Variants in EXOC6B observed in about 807,000 individuals in gnomAD.
The protein encoded by EXOC6B is exocyst complex component 6B.
A neutral mutation model predicts 113.5 loss-of-function variants in EXOC6B; 54 were observed. The ratio of observed to expected loss-of-function variants is 0.48; its 90% CI spans 0.38 to 0.60. The LOEUF (loss-of-function observed/expected upper bound fraction) is 0.60. Ranked by LOEUF, EXOC6B falls within the 20% of genes least tolerant of loss-of-function variation. EXOC6B has a pLI of 0.00. For missense variants in EXOC6B, 797 were observed against 977.5 expected (o/e 0.82, Z 2.46); for synonymous variants, 357 against 339.0 (o/e 1.05, Z -0.58).
intron 1 of EXOC6B, among the ~76,000 whole-genome samples, chr2:72,746,793 C>T (rs1176850455): frequency 6.6e-6 from 1 of 151,996 alleles, no homozygotes; most frequent in African/African-American, 2.4e-5. Context: ...CTTCACATAG[C>T]TAGAAAGTGT....
chr2:72,442,995 C>A (rs537638852), intron 18 of EXOC6B, among the ~76,000 whole-genome samples: 1 of 152,032 alleles, frequency 6.6e-6, no homozygotes, highest in Non-Finnish European at 1.5e-5. Context: ...CTATACTACA[C>A]GGCTACAATA....
chr2:72,316,441 A>C (rs1408502265), intron 20 of EXOC6B, among the ~76,000 whole-genome samples: 1 of 152,076 alleles, frequency 6.6e-6, no homozygotes, highest in Non-Finnish European at 1.5e-5. Flanking sequence ...CACTTTACCC[A>C]TATTTGGTTT....
At chr2:72,282,298 G>T (rs554026572) in intron 20 of EXOC6B, among the ~76,000 whole-genome samples, 1 of 152,106 alleles carries the variant, frequency 6.6e-6, no homozygotes, top group Admixed American at 6.6e-5. Context: ...ATGTAGGAAT[G>T]GAATAAATTG....
rs115348791 is a variant in EXOC6B at position 72,710,742 on chromosome 2, A to G, written c.669+7361T>C. Reference sequence around the variant, plus strand: ...TTCTACACCATACATTAAAGAGTAAATTTTGCTGTAGTGAAGACTTAACCA... The same window carrying G: ...TTCTACACCATACATTAAAGAGTAAGTTTTGCTGTAGTGAAGACTTAACCA... On this transcript the variant is annotated intron_variant, in intron 6 of 21. Transcript: ENST00000272427. Among the ~76,000 whole-genome samples the G allele has an allele frequency of 6.0e-3, 909 of 152,274 alleles. 10 individuals carry two copies. Among genetic ancestry groups the G allele is most frequent in the African/African-American group, 0.021 (864 of 41,552 alleles).
intron 8 of EXOC6B, among the ~76,000 whole-genome samples, chr2:72,541,031 G>A (rs1261650609): frequency 6.6e-6 from 1 of 152,158 alleles, no homozygotes; most frequent in African/African-American, 2.4e-5. Flanking sequence ...ATCTCAACTT[G>A]AATTGTATCT....
At chr2:72,634,004 G>C (rs1438207982) in intron 6 of EXOC6B, among the ~76,000 whole-genome samples, 1 of 151,706 alleles carries the variant, frequency 6.6e-6, no homozygotes, top group South Asian at 2.1e-4. Flanking sequence ...AGGAGAGTAG[G>C]ACAACGAAAA....
intron 20 of EXOC6B, among the ~76,000 whole-genome samples, chr2:72,241,910 C>G (rs1432945391): frequency 6.6e-6 from 1 of 152,040 alleles, no homozygotes; most frequent in African/African-American, 2.4e-5. Context: ...AAAAGTGGAT[C>G]TAAAGAAAGA....
chr2:72,783,735 A>G lies in EXOC6B; in HGVS notation c.113+42063T>C, dbSNP rs188683973. On this transcript the variant is annotated intron_variant, in intron 1 of 21. Coordinates refer to ENST00000272427, the MANE Select transcript of EXOC6B (RefSeq NM_015189.3). Reference sequence around the variant, plus strand: ...TTCCTGTTGTTTGGATTCTTCGTATAGTCTGGATATTATCCCTTATTGGAT... The same window carrying G: ...TTCCTGTTGTTTGGATTCTTCGTATGGTCTGGATATTATCCCTTATTGGAT... Among the ~76,000 whole-genome samples the G allele has an allele frequency of 4.3e-4, 66 of 152,246 alleles. 2 individuals carry two copies. The highest frequency in any genetic ancestry group is 2.9e-3 in the East Asian group (15 of 5,178).
At chr2:72,801,854 T>C (rs1049894010) in intron 1 of EXOC6B, among the ~76,000 whole-genome samples, 5 of 152,194 alleles carry the variant, frequency 3.3e-5, no homozygotes, top group Admixed American at 1.3e-4. Flanking sequence ...CTTAAAACCA[T>C]TTCATTTTAT....
chr2:72,357,689 T>A (rs1487014432), intron 19 of EXOC6B, among the ~76,000 whole-genome samples: 2 of 146,848 alleles, frequency 1.4e-5, no homozygotes. Flanking sequence ...AGACTGCCTT[T>A]AAAAAAAAAA....
intron 11 of EXOC6B, among the ~76,000 whole-genome samples, chr2:72,502,713 C>A (rs1700390395): frequency 6.6e-6 from 1 of 152,152 alleles, no homozygotes; most frequent in Non-Finnish European, 1.5e-5. Flanking sequence ...ATCCTTCCAA[C>A]TTTAAGAATC....
At chr2:72,197,857 G>C (rs1425634725) in intron 20 of EXOC6B, among the ~76,000 whole-genome samples, 1 of 152,178 alleles carries the variant, frequency 6.6e-6, no homozygotes, top group Non-Finnish European at 1.5e-5. Flanking sequence ...TGGAAAACTA[G>C]AGTACATAAT....
chr2:72,806,349 GATC>G (rs1685572079), intron 1 of EXOC6B, among the ~76,000 whole-genome samples: 1 of 152,174 alleles, frequency 6.6e-6, no homozygotes, highest in African/African-American at 2.4e-5. Flanking sequence ...CTGCTGCAAA[GATC>G]ATGATTTCAT....
intron 6 of EXOC6B, among the ~76,000 whole-genome samples, chr2:72,672,546 CAAAAAAAAAAA>C (rs60924280): frequency 2.3e-5 from 2 of 88,564 alleles, no homozygotes; most frequent in Non-Finnish European, 4.7e-5. Flanking sequence ...GACTCTGTCT[CAAAAAAAAAAA>C]AAAAAAAGAA....
At chr2:72,498,579 G>T in intron 12 of EXOC6B, 28 bp from the exon 13 acceptor site, 1 of 1,480,344 alleles carries the variant, frequency 6.8e-7, no homozygotes, top group South Asian at 1.2e-5. Context: ...AATCACTTCA[G>T]TGTCTAAGGA....
At chr2:72,715,592 T>G (rs1679563250) in intron 6 of EXOC6B, among the ~76,000 whole-genome samples, 1 of 151,914 alleles carries the variant, frequency 6.6e-6, no homozygotes, top group Non-Finnish European at 1.5e-5. Context: ...GCAAGGAAAT[T>G]CCCCTACTAC....
intron 18 of EXOC6B, among the ~76,000 whole-genome samples, chr2:72,456,234 T>C (rs142707029): frequency 6.2e-4 from 95 of 152,300 alleles, no homozygotes; most frequent in African/African-American, 2.1e-3. Flanking sequence ...CAAGAGAATA[T>C]GGAAGGAGAA....
intron 6 of EXOC6B, among the ~76,000 whole-genome samples, chr2:72,707,891 G>T (rs1678992060): frequency 6.6e-6 from 1 of 151,950 alleles, no homozygotes. Flanking sequence ...TAGAGGAAAA[G>T]AAATATATAG....
rs200778966 is a variant in EXOC6B at position 72,493,705 on chromosome 2, T to TA, written c.1554-1277dup. Among the ~76,000 whole-genome samples the TA allele has an allele frequency of 4.7e-3, 718 of 152,206 alleles. 4 individuals are homozygous for TA. Among genetic ancestry groups the TA allele is most frequent in the African/African-American group, 0.016 (660 of 41,524 alleles). ...TAGAAATGCCATGTGTTTGCTATTT[T>TA]AAAAAAATCTTTCTTTCAAAAAGAA... On this transcript the variant is annotated intron_variant, in intron 15 of 21. Coordinates refer to ENST00000272427, the MANE Select transcript of EXOC6B (RefSeq NM_015189.3).
Sources: allele counts gnomAD v4.1 joint callset (sites outside exome capture counted in the v4.1 genomes callset), GRCh38; gene constraint gnomAD v4.1.1; transcripts MANE v1.5; gene names NCBI Gene and HGNC (gene_info 2026-07-23, HGNC 2026-07-21).